The following TUBGCP6 variants were observed in gnomAD, a reference collection of about 807,000 sequenced individuals.
TUBGCP6 encodes the protein tubulin gamma complex component 6.
A neutral mutation model predicts 175.8 loss-of-function variants in TUBGCP6; 161 were observed. That is an observed-to-expected ratio of 0.92 (90% CI 0.81 to 1.04). TUBGCP6 has a LOEUF of 1.04. Among genes scored for constraint, TUBGCP6 ranks in the 50% least tolerant of loss-of-function variants. The pLI is 0.00. For synonymous variants in TUBGCP6, 1,173 were observed against 1,030.5 expected (o/e 1.14, Z -2.65); for missense variants, 2,572 against 2,433.0 (o/e 1.06, Z -1.20).
Position 50,217,998 on chromosome 22 carries a change from C to T in TUBGCP6, c.5288G>A (p.Arg1763Gln), listed in dbSNP as rs756770991. 38 of 1,611,614 alleles carry T rather than the reference C, an allele frequency of 2.4e-5. No individual in the cohort carries two copies. Among genetic ancestry groups the T allele is most frequent in the Middle Eastern group, 3.3e-4 (2 of 6,056 alleles). Residue 1763 changes from arginine to glutamine, a missense_variant, in exon 24 of 25, where the codon CGG becomes CAG. Transcript: ENST00000248846. ...TGCAAAGTTGGGGTGCTCTGCACCC[C>T]GCGGGCCCCCAGGGGGCCCCCAGGC... is the stretch of plus-strand genomic sequence containing the variant. ...SQAWGPPGGP[R>Q]GAEHPNFALM...
intron 2 of TUBGCP6, among the ~76,000 whole-genome samples, chr22:50,235,398 G>C (rs1183964223): frequency 1.8e-5 from 1 of 54,310 alleles, no homozygotes; most frequent in Non-Finnish European, 3.5e-5. Flanking sequence ...GCCCCCAACA[G>C]AGGAGGATAA....
At position 50,243,632 on chromosome 22, in the gene TUBGCP6, A is replaced by AG. The variant is rs1555910684; in HGVS notation, c.741+86_741+87insC. 643 of 953,578 alleles carry AG rather than the reference A, an allele frequency of 6.7e-4. No individual in the cohort carries two copies. In the East Asian group the frequency reaches 8.6e-3, roughly 13 times the overall value. 59.1% of individuals were successfully genotyped at this position (953,578 alleles called of 1,614,324 possible). A position where few individuals can be genotyped will look rare whatever the true frequency, so the allele number is the denominator to read the frequency against. On this transcript the variant is annotated intron_variant, in intron 1 of 24. Coordinates refer to ENST00000248846, the MANE Select transcript of TUBGCP6 (RefSeq NM_020461.4). ...GACACTGTCTCAAAAAAAAAAAAAA[A>AG]AAGAAGAAGAAGAAGAAGAAGAAAG...
chr22:50,221,635 C>G lies in TUBGCP6; in HGVS notation c.2724G>C (p.Pro908=). ...GAGGGACCATGCCAGTCTGCACGGACGGCTCAGCCCCTGGGCCCACAGGTA... is the reference window on the plus strand; with the variant it reads ...GAGGGACCATGCCAGTCTGCACGGAGGGCTCAGCCCCTGGGCCCACAGGTA... The part of the protein sequence containing the change: ...DFLPVGPGAE[P]SVQTGMVPLL... Residue 908 remains proline, a synonymous_variant, in exon 16 of 25, where the codon CCG becomes CCC. Coordinates refer to ENST00000248846, the MANE Select transcript of TUBGCP6 (RefSeq NM_020461.4). 2 of 1,530,104 alleles carry G rather than the reference C, an allele frequency of 1.3e-6. No individual in the cohort carries two copies. The highest frequency in any genetic ancestry group is 1.8e-6 in the Non-Finnish European group (2 of 1,138,622). 94.8% of individuals were successfully genotyped at this position (1,530,104 alleles called of 1,614,324 possible). A position where few individuals can be genotyped will look rare whatever the true frequency, so the allele number is the denominator to read the frequency against.
rs1204674332 is a variant in TUBGCP6 at position 50,219,161 on chromosome 22, C to T, written c.4533G>A (p.Leu1511=). 1.2e-6 allele frequency: 2 copies of T among 1,612,470 alleles called. No homozygotes were observed. The highest frequency in any genetic ancestry group is 1.7e-6 in the Non-Finnish European group (2 of 1,180,004). ...GTGCCTCATAGTGCGCCTCCAGGTG[C>T]AGCTCCACGAAGAAGTAGTCGACAG... is the stretch of plus-strand genomic sequence containing the variant. ...KAAVDYFFVE[L]HLEAHYEALR... is the part of the protein sequence containing the mutation. The change falls in exon 20 of 25, where the codon CTG becomes CTA. Residue 1511 remains leucine (L), a synonymous_variant. Coordinates refer to ENST00000248846, the MANE Select transcript of TUBGCP6 (RefSeq NM_020461.4).
chr22:50,228,162 G>A, intron 4 of TUBGCP6, 134 bp from the exon 5 acceptor site: 2 of 1,075,420 alleles, frequency 1.9e-6, no homozygotes, highest in East Asian at 3.0e-5. Context: ...CAAGCAATGG[G>A]CCTCTGTGAG....
rs17013247 is a variant in TUBGCP6 at position 50,220,951 on chromosome 22, G to A, written c.3408C>T (p.His1136=). 42,433 of 1,607,108 alleles carry A rather than the reference G, an allele frequency of 0.026. 631 individuals carry two copies. The highest frequency in any genetic ancestry group is 0.031 in the Non-Finnish European group (36,316 of 1,178,364). The change falls in exon 16 of 25, where the codon CAC becomes CAT. Residue 1136 remains histidine, a synonymous_variant. Transcript: ENST00000248846. The stretch of plus-strand genomic sequence containing the variant: ...CAACCCTGATGCTGGCGTTGGACAC[G>A]TGCCCGTGGGTATTCCACCGTGGCC... ...PTRPRWNTHG[H]VSNASIRVGE...
chr22:50,218,686 C>T lies in TUBGCP6; in HGVS notation c.4821+17G>A. On this transcript the variant is annotated intron_variant, in intron 21 of 24. Transcript: ENST00000248846. The stretch of plus-strand genomic sequence containing the variant: ...CAGGCCCCTGTCCCATCCCCCGCGG[C>T]CAGGGCTGCTGCTGACCTTGTACCT... 1 of 1,613,322 alleles carries T rather than the reference C, an allele frequency of 6.2e-7. No individual in the cohort carries two copies. Among genetic ancestry groups the T allele is most frequent in the Admixed American group, 1.7e-5 (1 of 59,984 alleles).
intron 3 of TUBGCP6, among the ~76,000 whole-genome samples, chr22:50,230,189 G>A (rs1333190761): frequency 6.6e-6 from 1 of 152,196 alleles, no homozygotes; most frequent in Non-Finnish European, 1.5e-5. Context: ...GAGCTGTTAG[G>A]CCAAGCACAG....
chr22:50,220,094 A>C (rs2064491127), intron 16 of TUBGCP6, 79 bp from the exon 17 acceptor site: 1 of 1,560,534 alleles, frequency 6.4e-7, no homozygotes, highest in South Asian at 1.1e-5. Flanking sequence ...GCCCTGGCTC[A>C]AGCAGCCCCT....
Position 50,244,164 on chromosome 22 carries a change from G to A in TUBGCP6, c.296C>T (p.Ala99Val), listed in dbSNP as rs759287463. The A allele has an allele frequency of 1.2e-6, 2 of 1,613,378 alleles. No homozygotes were observed. The highest frequency in any genetic ancestry group is 1.7e-6 in the Non-Finnish European group (2 of 1,180,030). The change falls in exon 1 of 25, where the codon GCC becomes GTC. Residue 99 changes from alanine to valine, a missense_variant. By Grantham distance (64) the Ala-to-Val change is moderately conservative. Coordinates refer to ENST00000248846, the MANE Select transcript of TUBGCP6 (RefSeq NM_020461.4). ...LEELVEELEA[A>V]PCCPLLEVGS... The stretch of plus-strand genomic sequence containing the variant: ...CACCTCCAAAAGCGGACAGCAAGGG[G>A]CTGCTTCCAGCTCCTCCACAAGCTC...
chr22:50,231,677 G>A (rs985825295), intron 3 of TUBGCP6, among the ~76,000 whole-genome samples: 1 of 151,786 alleles, frequency 6.6e-6, no homozygotes, highest in Admixed American at 6.6e-5. Flanking sequence ...GGCTAACATG[G>A]TGAAACCCCG....
rs538518652 is a variant in TUBGCP6 at position 50,220,992 on chromosome 22, C to G, written c.3367G>C (p.Asp1123His). Reference sequence around the variant, plus strand: ...CACCGTGGCCTGGTGGGAGCCACATCTGACACATTCTCCCCGACCCTGATG... The same window carrying G: ...CACCGTGGCCTGGTGGGAGCCACATGTGACACATTCTCCCCGACCCTGATG... Reference protein sequence around the residue: ...ASIRVGENVSDVAPTRPRWNT... With the variant: ...ASIRVGENVSHVAPTRPRWNT... The change falls in exon 16 of 25, where the codon GAT becomes CAT. Residue 1123 changes from aspartate to histidine, a missense_variant. Coordinates refer to ENST00000248846, the MANE Select transcript of TUBGCP6 (RefSeq NM_020461.4). The G allele has an allele frequency of 1.2e-6, 2 of 1,611,878 alleles. No homozygotes were observed. The highest frequency in any genetic ancestry group is 1.3e-5 in the African/African-American group (1 of 74,686).
At chr22:50,231,582 A>G (rs1330571817) in intron 3 of TUBGCP6, among the ~76,000 whole-genome samples, 1 of 152,204 alleles carries the variant, frequency 6.6e-6, no homozygotes, top group Non-Finnish European at 1.5e-5. Flanking sequence ...GACTAGGGCC[A>G]GGCACGATGG....
intron 10 of TUBGCP6, 143 bp downstream of exon 10, chr22:50,225,649 ACC>A: frequency 1.1e-6 from 1 of 930,856 alleles, no homozygotes; most frequent in Non-Finnish European, 1.4e-6. Flanking sequence ...CCCCCTTGGC[ACC>A]CACCCAGGCC....
In TUBGCP6 at chr22:50,229,573, G is replaced by A. The variant is rs1251388437; in HGVS notation, c.1121C>T (p.Ala374Val). 6.3e-7 allele frequency: 1 copy of A among 1,588,948 alleles called. No homozygotes were observed. The highest frequency in any genetic ancestry group is 1.1e-5 in the South Asian group (1 of 87,620). ...VSATFSLCQP[A>V]QAFVVKRGVH... is the part of the protein sequence containing the mutation. ...GCCCCGCTTCACCACAAAGGCCTGG[G>A]CCGGCTGCACAGGGGCAGAGGACAC... The change falls in exon 4 of 25, where the codon GCC (alanine) becomes GTC (valine). Residue 374 changes from alanine to valine, a missense_variant. Physicochemically the swap from Ala to Val is moderately conservative, Grantham distance 64. Coordinates refer to ENST00000248846, the MANE Select transcript of TUBGCP6 (RefSeq NM_020461.4).
Position 50,218,342 on chromosome 22 carries a change from T to A in TUBGCP6, c.5015A>T (p.Glu1672Val). 6.2e-7 allele frequency: 1 copy of A among 1,613,082 alleles called. No individual in the cohort carries two copies. Among genetic ancestry groups the A allele is most frequent in the Non-Finnish European group, 8.5e-7 (1 of 1,179,978 alleles). Residue 1672 changes from glutamate to valine, a missense_variant, in exon 23 of 25, where the codon GAG (glutamate) becomes GTG (valine). Coordinates refer to ENST00000248846, the MANE Select transcript of TUBGCP6 (RefSeq NM_020461.4). ...QFRQLQLFKH[E>V]MQHFVKVIQG... ...GATGACCTTCACGAAATGCTGCATCTCGTGCTTGAACAGCTGCAGCTGACG... is the reference window on the plus strand; with the variant it reads ...GATGACCTTCACGAAATGCTGCATCACGTGCTTGAACAGCTGCAGCTGACG...
At chr22:50,226,662 C>T (rs1041918572) in intron 7 of TUBGCP6, 71 bp downstream of exon 7, 12 of 1,323,438 alleles carry the variant, frequency 9.1e-6, no homozygotes, top group Admixed American at 6.0e-5. Flanking sequence ...AGGTGTCTGA[C>T]AAGGGACCGC....
At chr22:50,218,987 G>A in intron 20 of TUBGCP6, 81 bp downstream of exon 20, 4 of 1,593,238 alleles carry the variant, frequency 2.5e-6, no homozygotes, top group Non-Finnish European at 3.4e-6. Context: ...AGAGCAGCAG[G>A]GGGCTGTGGG....
chr22:50,231,501 A>T (rs1454062374), intron 3 of TUBGCP6, among the ~76,000 whole-genome samples: 4 of 151,844 alleles, frequency 2.6e-5, no homozygotes, highest in African/African-American at 9.7e-5. Context: ...AGAGAACCAA[A>T]CAAAAAGCTG....
Sources: allele counts gnomAD v4.1 joint callset (sites outside exome capture counted in the v4.1 genomes callset), GRCh38; gene constraint gnomAD v4.1.1; transcripts MANE v1.5; gene names NCBI Gene and HGNC (gene_info 2026-07-23, HGNC 2026-07-21).